Variants in IL12RB2 observed in about 807,000 individuals in gnomAD.
IL12RB2 encodes interleukin-12 receptor subunit beta-2.
IL12RB2 carries 82 observed loss-of-function variants against 89.4 expected under a neutral mutation model. The observed-to-expected ratio is 0.92, with a 90% CI of 0.77 to 1.10. IL12RB2 has a LOEUF of 1.10. Ranked by LOEUF, IL12RB2 falls within the 50% of genes least tolerant of loss-of-function variation. IL12RB2 has a pLI of 0.00. For missense variants in IL12RB2, 963 were observed against 1,031.9 expected (o/e 0.93, Z 0.92); for synonymous variants, 368 against 370.1 (o/e 0.99, Z 0.07).
rs1665201538 is a variant in IL12RB2, at chr1:67,386,823, C to T, written c.1946+154C>T. On this transcript the variant is annotated intron_variant, in intron 15 of 16. Coordinates refer to ENST00000674203, the MANE Select transcript of IL12RB2 (RefSeq NM_001374259.2). ...CTTTGGGTGACAGTATGTGTCAAATCCTTAAAAATATATCTTTTGATCTAA... is the reference window on the plus strand; with the variant it reads ...CTTTGGGTGACAGTATGTGTCAAATTCTTAAAAATATATCTTTTGATCTAA... Among the ~76,000 whole-genome samples the T allele has an allele frequency of 5.0e-5, 7 of 138,884 alleles. No homozygotes were observed. The Admixed American group carries it at 5.3e-4, about 11-fold the overall frequency. 91.1% of individuals were successfully genotyped at this position (138,884 alleles called of 152,430 possible).
At chr1:67,330,544 T>G (rs1569829585) in intron 7 of IL12RB2, 116 bp from the exon 8 acceptor site, 6 of 670,978 alleles carry the variant, frequency 8.9e-6, no homozygotes. Context: ...TAATGGTAGG[T>G]CTGAAAAACA....
At chr1:67,318,286 G>A (rs148751753) in intron 2 of IL12RB2, among the ~76,000 whole-genome samples, 1 of 152,324 alleles carries the variant, frequency 6.6e-6, no homozygotes, top group East Asian at 1.9e-4. Flanking sequence ...GGTATGGGCT[G>A]TGGATATTTT....
At chr1:67,341,719 A>C (rs1195756327) in intron 9 of IL12RB2, among the ~76,000 whole-genome samples, 3 of 152,214 alleles carry the variant, frequency 2.0e-5, no homozygotes, top group African/African-American at 7.2e-5. Context: ...CTCCCCAAGG[A>C]AAGTTGGATG....
At chr1:67,373,836 G>T (rs1663636353) in intron 13 of IL12RB2, among the ~76,000 whole-genome samples, 1 of 152,192 alleles carries the variant, frequency 6.6e-6, no homozygotes, top group Admixed American at 6.5e-5. Flanking sequence ...GCCACCCTAA[G>T]ATGCAGCTGC....
intron 9 of IL12RB2, among the ~76,000 whole-genome samples, chr1:67,344,694 A>G (rs1295862942): frequency 5.3e-5 from 8 of 152,204 alleles, no homozygotes; most frequent in Non-Finnish European, 1.2e-4. Flanking sequence ...TTTTTATCCT[A>G]CCAAGTTTTC....
chr1:67,314,420 T>G (rs542650853), intron 2 of IL12RB2, among the ~76,000 whole-genome samples: 2 of 152,316 alleles, frequency 1.3e-5, no homozygotes, highest in South Asian at 2.1e-4. Context: ...CATGACACCA[T>G]GGACTGTTCA....
intron 8 of IL12RB2, among the ~76,000 whole-genome samples, chr1:67,335,413 A>C (rs1480481923): frequency 1.3e-5 from 2 of 152,184 alleles, no homozygotes; most frequent in African/African-American, 4.8e-5. Context: ...GAACGTTTTC[A>C]TGGTGGAAAA....
rs951080895 is a variant in IL12RB2, at chr1:67,320,556, A to G, written c.76+112A>G. Reference sequence around the variant, plus strand: ...TCTGGTAGTTGGTCTTTTGTAGTCAATCTCTGTCATTTAAGTGGATAAGTC... The same window carrying G: ...TCTGGTAGTTGGTCTTTTGTAGTCAGTCTCTGTCATTTAAGTGGATAAGTC... On this transcript the variant is annotated intron_variant, in intron 3 of 16. Transcript: ENST00000674203. The G allele has an allele frequency of 6.4e-5, 100 of 1,563,168 alleles. No individual in the cohort carries two copies. The African/African-American group carries it at 1.3e-3, about 21-fold the overall frequency.
upstream of IL12RB2, chr1:67,307,847 G>T (rs866885110): frequency 6.6e-6 from 1 of 152,160 alleles, no homozygotes; most frequent in African/African-American, 2.4e-5. Flanking sequence ...GGCGGGCGCT[G>T]GCACCGGGAA....
rs1356382479 is a variant in IL12RB2, at chr1:67,330,798, A to T, written c.946A>T (p.Thr316Ser). 1 of 1,569,646 alleles carries T rather than the reference A, an allele frequency of 6.4e-7. No individual in the cohort carries two copies. Among genetic ancestry groups the T allele is most frequent in the Non-Finnish European group, 8.8e-7 (1 of 1,139,564 alleles). Residue 316 changes from threonine (T) to serine (S), a missense_variant, in exon 8 of 17, where the codon ACA (threonine) becomes TCA (serine). Thr to Ser is a moderately conservative substitution (Grantham distance 58). Transcript: ENST00000674203. ...SDWSESLRAQ[T>S]PEEEPTGMLD... Reference sequence around the variant, plus strand: ...TTGGAGTGAATCATTGAGAGCACAAACACCAGAAGAAGGTATATGTCCAAA... The same window carrying T: ...TTGGAGTGAATCATTGAGAGCACAATCACCAGAAGAAGGTATATGTCCAAA...
chr1:67,312,564 A>T (rs1321258625), intron 1 of IL12RB2, among the ~76,000 whole-genome samples: 1 of 152,044 alleles, frequency 6.6e-6, no homozygotes, highest in Admixed American at 6.6e-5. Context: ...GGAGTCTATT[A>T]TGTCAAATGG....
chr1:67,397,519 A>G lies in IL12RB2; in HGVS notation c.*1430A>G, dbSNP rs1431887524. On this transcript the variant is annotated 3_prime_UTR_variant, in exon 17 of 17. Transcript: ENST00000674203. ...GCTGGTCCTCTGCCAGCTCAAGTTG[A>G]GCCTGGAAGATAACTCTCTTTTCCA... is the stretch of plus-strand genomic sequence containing the variant. 2.0e-5 allele frequency among the ~76,000 whole-genome samples: 3 copies of G among 152,168 alleles called. No individual in the cohort carries two copies. Among genetic ancestry groups the G allele is most frequent in the Non-Finnish European group, 4.4e-5 (3 of 68,038 alleles).
chr1:67,332,956 T>C (rs1467262490), intron 8 of IL12RB2, among the ~76,000 whole-genome samples: 1 of 152,220 alleles, frequency 6.6e-6, no homozygotes, highest in African/African-American at 2.4e-5. Context: ...GGCAGCACAG[T>C]AACTTTCTTA....
intron 10 of IL12RB2, among the ~76,000 whole-genome samples, chr1:67,355,134 C>G (rs1470819372): frequency 6.6e-6 from 1 of 151,942 alleles, no homozygotes; most frequent in Non-Finnish European, 1.5e-5. Flanking sequence ...AAGGCCAGGG[C>G]CAGGCGCCGT....
chr1:67,327,292 A>G (rs540921214), intron 5 of IL12RB2, among the ~76,000 whole-genome samples: 3 of 152,274 alleles, frequency 2.0e-5, no homozygotes, highest in African/African-American at 4.8e-5. Flanking sequence ...AGGAGAAGCA[A>G]TAGATACTTC....
At chr1:67,363,984 A>G (rs1662402369) in intron 10 of IL12RB2, among the ~76,000 whole-genome samples, 1 of 152,250 alleles carries the variant, frequency 6.6e-6, no homozygotes, top group Non-Finnish European at 1.5e-5. Context: ...CTCCAACTCC[A>G]TCAAGTTATT....
intron 13 of IL12RB2, among the ~76,000 whole-genome samples, chr1:67,379,228 T>C (rs1239547038): frequency 6.7e-6 from 1 of 148,974 alleles, no homozygotes; most frequent in African/African-American, 2.5e-5. Context: ...ATTTCATAAC[T>C]GGCCGGACGC....
At position 67,367,939 on chromosome 1, in the gene IL12RB2, G is replaced by A. The variant is rs1183277880; in HGVS notation, c.1373G>A (p.Trp458Ter). ...PSAVQEYVVE[W>*]RELHPGGDTQ... ...GCTGTTCAGGAGTACGTGGTGGAAT[G>A]GAGAGAGCTCCATCCAGGGGGTGAC... The change falls in exon 11 of 17, where the codon TGG (tryptophan) becomes TAG (stop). Residue 458 changes from tryptophan (W) to a stop codon, truncating the protein, a stop_gained. Coordinates refer to ENST00000674203, the MANE Select transcript of IL12RB2 (RefSeq NM_001374259.2). LOFTEE classifies it high-confidence loss of function. The A allele has an allele frequency of 1.2e-6, 2 of 1,609,488 alleles. No individual in the cohort carries two copies. Among genetic ancestry groups the A allele is most frequent in the Non-Finnish European group, 1.7e-6 (2 of 1,175,876 alleles).
intron 10 of IL12RB2, among the ~76,000 whole-genome samples, chr1:67,352,180 A>G (rs557618579): frequency 1.3e-5 from 2 of 152,340 alleles, no homozygotes; most frequent in South Asian, 4.1e-4. Flanking sequence ...AGTAAACAGT[A>G]TATGTATAGT....
Sources: allele counts gnomAD v4.1 joint callset (sites outside exome capture counted in the v4.1 genomes callset), GRCh38; gene constraint gnomAD v4.1.1; transcripts MANE v1.5; gene names NCBI Gene and HGNC (gene_info 2026-07-23, HGNC 2026-07-21).